DCAF17: variants seen among roughly 807,000 people sequenced by gnomAD.
DCAF17 encodes the protein DDB1- and CUL4-associated factor 17.
A neutral mutation model predicts 66.0 loss-of-function variants in DCAF17; 48 were observed. The ratio of observed to expected loss-of-function variants is 0.73; its 90% confidence interval spans 0.58 to 0.92. The LOEUF (loss-of-function observed/expected upper bound fraction) is 0.92, where lower values mean the gene tolerates loss of function less well. DCAF17 is among the 40% of genes least tolerant of loss of function. DCAF17 has a pLI of 0.00. For synonymous variants in DCAF17, 206 were observed against 214.6 expected, an observed-to-expected ratio of 0.96 and a Z score of 0.35; for missense variants, 562 against 622.8, an observed-to-expected ratio of 0.90 and a Z score of 1.04.
chr2:171,459,080 C>T lies in DCAF17; in HGVS notation c.838+603C>T, dbSNP rs188150171. On this transcript the variant is annotated intron_variant, in intron 8 of 13. Coordinates refer to ENST00000375255, the MANE Select transcript of DCAF17 (RefSeq NM_025000.4). The stretch of plus-strand genomic sequence containing the variant: ...ATCCCAGCACTTTGGGAGGCTGAGG[C>T]GGGCGGATCACTTGAGGTTGGGAGT... Among the ~76,000 whole-genome samples the T allele has an allele frequency of 1.7e-3, 266 of 152,120 alleles. 4 individuals are homozygous for T. The highest frequency in any genetic ancestry group is 0.016 in the East Asian group (85 of 5,176).
At chr2:171,446,531 G>A (rs1016059455) in intron 3 of DCAF17, among the ~76,000 whole-genome samples, 1 of 151,382 alleles carries the variant, frequency 6.6e-6, no homozygotes, top group Non-Finnish European at 1.5e-5. Context: ...GGGTGACAGA[G>A]CAAGACTCTG....
intron 3 of DCAF17, among the ~76,000 whole-genome samples, chr2:171,444,400 A>C (rs1270862036): frequency 6.6e-6 from 1 of 152,212 alleles, no homozygotes; most frequent in East Asian, 1.9e-4. Flanking sequence ...ATGACGCCAC[A>C]AGTGGAAAAT....
At chr2:171,468,324 C>T (rs577585891) in intron 8 of DCAF17, among the ~76,000 whole-genome samples, 1 of 152,174 alleles carries the variant, frequency 6.6e-6, no homozygotes, top group Non-Finnish European at 1.5e-5. Flanking sequence ...ATAAAGCTTT[C>T]ATTGTGACAG....
chr2:171,483,142 C>G lies in DCAF17; in HGVS notation c.*2028C>G, dbSNP rs1696811590. On this transcript the variant is annotated 3_prime_UTR_variant, in exon 14 of 14. Coordinates refer to ENST00000375255, the MANE Select transcript of DCAF17 (RefSeq NM_025000.4). ...GAATGTGGGGAATTTGGATACCACACATAGCGAGAGACAATGAAGCATGCT... is the reference window on the plus strand; with the variant it reads ...GAATGTGGGGAATTTGGATACCACAGATAGCGAGAGACAATGAAGCATGCT... 2.2e-6 allele frequency: 1 copy of G among 454,144 alleles called. No homozygotes were observed. The highest frequency in any genetic ancestry group is 6.9e-5 in the East Asian group (1 of 14,402). The allele number at this position is 454,144 out of a possible 1,614,324, so 28.1% of individuals were successfully genotyped here. A position where few individuals can be genotyped will look rare whatever the true frequency, so the allele number is the denominator to read the frequency against.
chr2:171,454,233 C>T (rs908986071), intron 6 of DCAF17, among the ~76,000 whole-genome samples: 1 of 151,556 alleles, frequency 6.6e-6, no homozygotes, highest in African/African-American at 2.4e-5. Flanking sequence ...AGTAGAGGAT[C>T]TAGAATTAAA....
intron 6 of DCAF17, among the ~76,000 whole-genome samples, chr2:171,455,917 T>G (rs531949458): frequency 6.6e-6 from 1 of 152,280 alleles, no homozygotes; most frequent in Non-Finnish European, 1.5e-5. Flanking sequence ...TATTAGACCT[T>G]TGTCAGAGGT....
intron 2 of DCAF17, among the ~76,000 whole-genome samples, chr2:171,439,959 T>TA (rs894021476): frequency 6.6e-5 from 10 of 151,718 alleles, no homozygotes; most frequent in African/African-American, 2.2e-4. Context: ...AAACAAACAG[T>TA]AAAAAACAAG....
chr2:171,463,601 C>T (rs554021068), intron 8 of DCAF17, among the ~76,000 whole-genome samples: 4 of 152,284 alleles, frequency 2.6e-5, no homozygotes, highest in African/African-American at 9.6e-5. Context: ...CAGAACTTGA[C>T]CTATATGCCA....
rs1214259258 is a variant in DCAF17 at position 171,482,751 on chromosome 2, G to A, written c.*1637G>A. ...TTTATGAAATGATAGTAAGGAACTCGTCTATTCTGAAAGGCATTTGAGAAA... is the reference window on the plus strand; with the variant it reads ...TTTATGAAATGATAGTAAGGAACTCATCTATTCTGAAAGGCATTTGAGAAA... On this transcript the variant is annotated 3_prime_UTR_variant, in exon 14 of 14. Transcript: ENST00000375255. The A allele has an allele frequency of 1.5e-5, 7 of 453,102 alleles. No individual in the cohort carries two copies. The highest frequency in any genetic ancestry group is 7.0e-5 in the East Asian group (1 of 14,386). 28.1% of individuals were successfully genotyped at this position (453,102 alleles called of 1,614,324 possible).
Position 171,442,855 on chromosome 2 carries a change from G to A in DCAF17, c.231-668G>A, listed in dbSNP as rs552107381. On this transcript the variant is annotated intron_variant, in intron 2 of 13. Transcript: ENST00000375255. ...AGATCATGCCATTGCACTCCAGCCT[G>A]GAGTGTGAGAAACTGTCTCAAAAAA... 2.6e-5 allele frequency among the ~76,000 whole-genome samples: 4 copies of A among 152,056 alleles called. No individual in the cohort carries two copies. The East Asian group carries it at 7.7e-4, about 29-fold the overall frequency.
At chr2:171,473,361 T>G (rs896841161) in intron 9 of DCAF17, among the ~76,000 whole-genome samples, 8 of 152,144 alleles carry the variant, frequency 5.3e-5, no homozygotes, top group African/African-American at 1.9e-4. Flanking sequence ...TCCTAGCACT[T>G]TAAGAGGCTA....
At chr2:171,476,414 T>C (rs1220256241) in intron 10 of DCAF17, among the ~76,000 whole-genome samples, 1 of 152,228 alleles carries the variant, frequency 6.6e-6, no homozygotes, top group Non-Finnish European at 1.5e-5. Context: ...ATAGATTTAA[T>C]TGCTGATTGA....
At chr2:171,465,988 A>G (rs1017208535) in intron 8 of DCAF17, among the ~76,000 whole-genome samples, 11 of 152,020 alleles carry the variant, frequency 7.2e-5, no homozygotes, top group Non-Finnish European at 1.6e-4. Context: ...CCTCTGTTCT[A>G]TACCTTATAA....
chr2:171,483,294 CTACT>C lies in DCAF17; in HGVS notation c.*2183_*2186del, dbSNP rs1354645788. ...TTCGAGACTCTAGCTACATGCCCACCTACTTAACAGGTACTAGTGACAGGTACAA... is the reference window on the plus strand; with the variant it reads ...TTCGAGACTCTAGCTACATGCCCACCTAACAGGTACTAGTGACAGGTACAA... On this transcript the variant is annotated 3_prime_UTR_variant, in exon 14 of 14. Transcript: ENST00000375255. 2 of 454,084 alleles carry C rather than the reference CTACT, an allele frequency of 4.4e-6. No homozygotes were observed. The highest frequency in any genetic ancestry group is 4.4e-6 in the Non-Finnish European group (1 of 226,790). The allele number at this position is 454,084 out of a possible 1,614,324, so 28.1% of individuals were successfully genotyped here.
intron 8 of DCAF17, among the ~76,000 whole-genome samples, chr2:171,465,206 A>G (rs1193345173): frequency 2.0e-5 from 3 of 146,894 alleles, no homozygotes; most frequent in Non-Finnish European, 4.5e-5. Flanking sequence ...TCAAAAAGGA[A>G]AAAAAAAAAA....
intron 3 of DCAF17, chr2:171,447,509 C>CA (rs1158266655): frequency 5.6e-6 from 1 of 179,906 alleles, no homozygotes; most frequent in Admixed American, 6.3e-5. Flanking sequence ...TATAGGCAAG[C>CA]ACCGCAACGC....
intron 6 of DCAF17, among the ~76,000 whole-genome samples, chr2:171,456,669 G>A (rs900489619): frequency 2.0e-5 from 3 of 151,722 alleles, no homozygotes; most frequent in Non-Finnish European, 4.4e-5. Flanking sequence ...TGTCATCTTT[G>A]TAGATCTCCT....
At chr2:171,458,344 C>A (rs369164414) in intron 7 of DCAF17, 28 bp from the exon 8 acceptor site, 177 of 1,580,346 alleles carry the variant, frequency 1.1e-4, no homozygotes, top group Non-Finnish European at 1.4e-4. Context: ...GTGCTAAAGC[C>A]ACCATTTTTG....
At chr2:171,454,392 C>A (rs1695128375) in intron 6 of DCAF17, among the ~76,000 whole-genome samples, 2 of 151,150 alleles carry the variant, frequency 1.3e-5, no homozygotes, top group Admixed American at 6.6e-5. Flanking sequence ...TCAAACAATT[C>A]TTCTGCCTCA....
Sources: gnomAD v4.1 joint callset for allele counts (sites outside exome capture counted in the v4.1 genomes callset) on GRCh38, gnomAD v4.1.1 for gene constraint, MANE v1.5 for transcripts, NCBI Gene and HGNC (gene_info 2026-07-23, HGNC 2026-07-21) for gene names.